The following STAG1 variants were observed in gnomAD, a reference collection of about 807,000 sequenced individuals.
STAG1 encodes the protein STAG1 cohesin complex component, also known as cohesin subunit SA-1.
STAG1 carries 26 observed loss-of-function variants against 170.9 expected under a neutral mutation model. The ratio of observed to expected loss-of-function variants is 0.15; its 90% CI spans 0.11 to 0.21. The LOEUF (loss-of-function observed/expected upper bound fraction) is 0.21. Ranked by LOEUF, STAG1 falls within the 10% of genes least tolerant of loss-of-function variation. The probability of loss-of-function intolerance (pLI) is 1.00; values close to 1 mark genes in which losing one functional copy is unlikely to be tolerated. For missense variants in STAG1, 964 were observed against 1,509.5 expected, an observed-to-expected ratio of 0.64 and a Z score of 5.99; for synonymous variants, 514 against 497.7, an observed-to-expected ratio of 1.03 and a Z score of -0.44.
chr3:136,689,825 G>A (rs1308910962), intron 1 of STAG1, among the ~76,000 whole-genome samples: 1 of 151,974 alleles, frequency 6.6e-6, no homozygotes, highest in African/African-American at 2.4e-5. Context: ...CGGATCATAT[G>A]AAGTCAGAAG....
chr3:136,377,940 C>T (rs1451484792), intron 22 of STAG1, among the ~76,000 whole-genome samples, 188 bp from the exon 23 acceptor site: 1 of 152,168 alleles, frequency 6.6e-6, no homozygotes, highest in Admixed American at 6.5e-5. Context: ...GGGGTAGTGA[C>T]ACTGACACTC....
intron 5 of STAG1, among the ~76,000 whole-genome samples, chr3:136,554,822 G>A (rs934971593): frequency 7.9e-5 from 12 of 151,996 alleles, no homozygotes; most frequent in Admixed American, 7.9e-4. Flanking sequence ...TTCTGCCCAG[G>A]AGTTCAGGCT....
At chr3:136,594,322 A>T (rs1938320588) in intron 4 of STAG1, among the ~76,000 whole-genome samples, 1 of 152,276 alleles carries the variant, frequency 6.6e-6, no homozygotes, top group South Asian at 2.1e-4. Flanking sequence ...GAAGAAACCA[A>T]TGTCACTATA....
At chr3:136,669,939 G>A (rs1941928241) in intron 1 of STAG1, among the ~76,000 whole-genome samples, 2 of 152,148 alleles carry the variant, frequency 1.3e-5, no homozygotes, top group Admixed American at 1.3e-4. Flanking sequence ...AACTAATTAT[G>A]TGCTACTAAT....
chr3:136,433,766 T>G lies in STAG1; in HGVS notation c.1547-107A>C, dbSNP rs1326146909. The G allele has an allele frequency of 4.0e-6, 3 of 754,686 alleles. No individual in the cohort carries two copies. The African/African-American group carries it at 5.4e-5, about 14-fold the overall frequency. The allele number at this position is 754,686 out of a possible 1,614,324, so 46.7% of individuals were successfully genotyped here. A position where few individuals can be genotyped will look rare whatever the true frequency, so the allele number is the denominator to read the frequency against. The stretch of plus-strand genomic sequence containing the variant: ...ACTGAAAACATTCTATTACTGCTTA[T>G]TTTAAAGACTAAAGTTAAGCTCTGT... On this transcript the variant is annotated intron_variant, in intron 15 of 33. Transcript: ENST00000383202.
chr3:136,450,420 TTC>T (rs1161226435), intron 14 of STAG1, among the ~76,000 whole-genome samples: 25 of 152,230 alleles, frequency 1.6e-4, no homozygotes, highest in African/African-American at 6.0e-4. Flanking sequence ...CTAGTTTTGT[TTC>T]TGACTTTATT....
At chr3:136,464,258 T>G (rs1576492990) in intron 13 of STAG1, among the ~76,000 whole-genome samples, 1 of 151,832 alleles carries the variant, frequency 6.6e-6, no homozygotes, top group African/African-American at 2.4e-5. Flanking sequence ...ACCCTGTCTC[T>G]AATAAAAACA....
intron 23 of STAG1, among the ~76,000 whole-genome samples, chr3:136,373,217 C>T (rs534771744): frequency 4.8e-4 from 73 of 152,016 alleles, no homozygotes; most frequent in Admixed American, 2.4e-3. Flanking sequence ...TTTTTTATTG[C>T]GTCTATTTGA....
intron 15 of STAG1, among the ~76,000 whole-genome samples, chr3:136,440,901 A>T (rs553226946): frequency 6.6e-6 from 1 of 152,164 alleles, no homozygotes; most frequent in Non-Finnish European, 1.5e-5. Flanking sequence ...AGGTCGGAGG[A>T]TTGCTTAAGC....
chr3:136,378,233 A>C (rs1937718171), intron 22 of STAG1, among the ~76,000 whole-genome samples: 1 of 152,244 alleles, frequency 6.6e-6, no homozygotes, highest in Non-Finnish European at 1.5e-5. Flanking sequence ...TCTAGCAGAC[A>C]GGCCAATTAC....
intron 1 of STAG1, among the ~76,000 whole-genome samples, chr3:136,701,484 C>G (rs1943059537): frequency 6.6e-6 from 1 of 151,946 alleles, no homozygotes; most frequent in Non-Finnish European, 1.5e-5. Context: ...CAGACAAATC[C>G]TAGAAGTTAT....
intron 26 of STAG1, 83 bp from the exon 27 acceptor site, chr3:136,359,379 G>T: frequency 1.0e-6 from 1 of 999,348 alleles, no homozygotes; most frequent in South Asian, 2.0e-5. Flanking sequence ...TAAAAAATAT[G>T]TAAAAGGTAT....
At chr3:136,370,039 C>A (rs952453987) in intron 23 of STAG1, among the ~76,000 whole-genome samples, 1 of 149,054 alleles carries the variant, frequency 6.7e-6, no homozygotes. Flanking sequence ...ATGTTACTGG[C>A]GTATGTATTT....
chr3:136,388,249 G>C (rs1382930998), intron 22 of STAG1, among the ~76,000 whole-genome samples: 1 of 152,120 alleles, frequency 6.6e-6, no homozygotes, highest in Non-Finnish European at 1.5e-5. Flanking sequence ...GAAGTACCTT[G>C]CTTATCTTGC....
chr3:136,542,755 G>A (rs765017433), intron 5 of STAG1, among the ~76,000 whole-genome samples: 5 of 152,016 alleles, frequency 3.3e-5, no homozygotes, highest in Non-Finnish European at 7.4e-5. Flanking sequence ...TGACGATGGT[G>A]GTGGCAGCTA....
chr3:136,364,452 G>C (rs1452886982), intron 25 of STAG1, among the ~76,000 whole-genome samples: 1 of 151,970 alleles, frequency 6.6e-6, no homozygotes, highest in Non-Finnish European at 1.5e-5. Context: ...AATTTTGGTA[G>C]AAGCCTCCTG....
intron 4 of STAG1, among the ~76,000 whole-genome samples, chr3:136,593,639 T>A (rs1408533613): frequency 6.6e-6 from 1 of 152,250 alleles, no homozygotes; most frequent in Non-Finnish European, 1.5e-5. Context: ...CTTTTACATA[T>A]GAGAGAAATA....
At chr3:136,529,422 A>G (rs1935252265) in intron 6 of STAG1, among the ~76,000 whole-genome samples, 1 of 152,170 alleles carries the variant, frequency 6.6e-6, no homozygotes, top group African/African-American at 2.4e-5. Context: ...CCTTCATCAG[A>G]CTACCAGTAA....
intron 14 of STAG1, among the ~76,000 whole-genome samples, chr3:136,451,351 C>T (rs536143134): frequency 3.6e-4 from 54 of 152,048 alleles, no homozygotes; most frequent in Non-Finnish European, 5.4e-4. Flanking sequence ...TTTTCTTTCT[C>T]CTTACTAAAT....
Sources: gnomAD v4.1 joint callset for allele counts (sites outside exome capture counted in the v4.1 genomes callset) on GRCh38, gnomAD v4.1.1 for gene constraint, MANE v1.5 for transcripts, NCBI Gene and HGNC (gene_info 2026-07-23, HGNC 2026-07-21) for gene names.